Variants in KCNH7 observed in about 807,000 individuals in gnomAD.
The protein encoded by KCNH7 is voltage-gated inwardly rectifying potassium channel KCNH7.
In KCNH7, 49 loss-of-function variants were observed where a neutral mutation model predicts 120.8. The observed-to-expected ratio is 0.41, with a 90% CI of 0.32 to 0.51. The LOEUF (loss-of-function observed/expected upper bound fraction) is 0.51, where lower values mean the gene tolerates loss of function less well. Ranked by LOEUF, KCNH7 falls within the 20% of genes least tolerant of loss-of-function variation. KCNH7 has a pLI of 0.38. For missense variants in KCNH7, 1,097 were observed against 1,446.6 expected (o/e 0.76, Z 3.92); for synonymous variants, 547 against 516.1 (o/e 1.06, Z -0.81).
intron 9 of KCNH7, among the ~76,000 whole-genome samples, chr2:162,413,853 A>G (rs1441949078): frequency 6.6e-6 from 1 of 151,964 alleles, no homozygotes; most frequent in Non-Finnish European, 1.5e-5. Flanking sequence ...TTGAAAATAT[A>G]TTAGGATCAT....
chr2:162,722,813 C>CTTTTTTTTTTTCTT (rs1687368386), intron 2 of KCNH7, among the ~76,000 whole-genome samples: 1 of 85,110 alleles, frequency 1.2e-5, no homozygotes, highest in African/African-American at 6.1e-5. Flanking sequence ...TTCTTTTTTT[C>CTTTTTTTTTTTCTT]TTTTTTTTTT....
intron 2 of KCNH7, among the ~76,000 whole-genome samples, chr2:162,822,878 C>G (rs375220531): frequency 4.6e-5 from 7 of 152,172 alleles, no homozygotes; most frequent in Non-Finnish European, 8.8e-5. Context: ...GGCACAAGCC[C>G]GCACTCCTGT....
chr2:162,429,302 A>G (rs1687977632), intron 8 of KCNH7, among the ~76,000 whole-genome samples: 1 of 150,852 alleles, frequency 6.6e-6, no homozygotes, highest in Non-Finnish European at 1.5e-5. Context: ...CATATGTTAT[A>G]AAACCTGCAC....
At chr2:162,551,591 A>G (rs1157898754) in intron 2 of KCNH7, among the ~76,000 whole-genome samples, 2 of 152,176 alleles carry the variant, frequency 1.3e-5, no homozygotes, top group Non-Finnish European at 2.9e-5. Flanking sequence ...CATCACTGAG[A>G]ATATACTAAG....
chr2:162,622,448 C>G (rs889161341), intron 2 of KCNH7, among the ~76,000 whole-genome samples: 1 of 152,142 alleles, frequency 6.6e-6, no homozygotes, highest in Non-Finnish European at 1.5e-5. Flanking sequence ...CTAAATAGGT[C>G]CTTCAAGGCT....
intron 2 of KCNH7, among the ~76,000 whole-genome samples, chr2:162,607,329 G>T (rs910335321): frequency 6.6e-6 from 1 of 151,594 alleles, no homozygotes; most frequent in African/African-American, 2.4e-5. Flanking sequence ...GGTGGAAGTT[G>T]CAGTGAGCCA....
intron 6 of KCNH7, among the ~76,000 whole-genome samples, chr2:162,474,561 C>G (rs1445768933): frequency 6.6e-6 from 1 of 152,196 alleles, no homozygotes; most frequent in Non-Finnish European, 1.5e-5. Flanking sequence ...GCTGGACTTA[C>G]TGACTTGCTT....
chr2:162,802,575 A>G (rs1467101908), intron 2 of KCNH7, among the ~76,000 whole-genome samples: 2 of 151,794 alleles, frequency 1.3e-5, no homozygotes, highest in East Asian at 3.9e-4. Context: ...AATGGAATGT[A>G]TGCTGTAAGT....
At chr2:162,577,414 T>C (rs1339664561) in intron 2 of KCNH7, among the ~76,000 whole-genome samples, 2 of 150,260 alleles carry the variant, frequency 1.3e-5, no homozygotes, top group African/African-American at 4.9e-5. Flanking sequence ...TCTATCTATC[T>C]ATTCATAGGT....
chr2:162,398,262 G>A (rs754811933), intron 10 of KCNH7, among the ~76,000 whole-genome samples: 3 of 151,738 alleles, frequency 2.0e-5, no homozygotes, highest in Non-Finnish European at 4.4e-5. Flanking sequence ...CACTGTAGAA[G>A]CTATCAAAGA....
intron 2 of KCNH7, among the ~76,000 whole-genome samples, chr2:162,606,619 A>G (rs1682782299): frequency 6.6e-6 from 1 of 152,142 alleles, no homozygotes; most frequent in African/African-American, 2.4e-5. Context: ...CCACCTCGCT[A>G]TGTATCATAT....
At chr2:162,671,766 TA>T (rs969995104) in intron 2 of KCNH7, among the ~76,000 whole-genome samples, 2 of 151,828 alleles carry the variant, frequency 1.3e-5, no homozygotes, top group South Asian at 2.1e-4. Context: ...TATGCTCTAA[TA>T]AAAAAAGAAG....
intron 14 of KCNH7, among the ~76,000 whole-genome samples, chr2:162,376,368 GTTT>G (rs554245457): frequency 1.5e-5 from 2 of 135,658 alleles, no homozygotes; most frequent in Admixed American, 7.3e-5. Flanking sequence ...AGTGTGGTTT[GTTT>G]TTTTTTTTTT....
chr2:162,484,517 A>G (rs899438332), intron 6 of KCNH7, among the ~76,000 whole-genome samples: 1 of 152,128 alleles, frequency 6.6e-6, no homozygotes, highest in Admixed American at 6.5e-5. Context: ...AGAGACCGCA[A>G]TAAGTCAGGA....
intron 2 of KCNH7, among the ~76,000 whole-genome samples, chr2:162,647,708 A>G (rs1474374193): frequency 6.6e-6 from 1 of 152,090 alleles, no homozygotes; most frequent in Non-Finnish European, 1.5e-5. Flanking sequence ...ACCATGATTG[A>G]GAGGCCTCCC....
chr2:162,397,349 C>T (rs1339472588), intron 10 of KCNH7, among the ~76,000 whole-genome samples: 1 of 151,710 alleles, frequency 6.6e-6, no homozygotes, highest in South Asian at 2.1e-4. Context: ...TCGGGATGGT[C>T]TCTGCAGGTG....
chr2:162,834,415 A>C (rs1685581627), intron 2 of KCNH7, among the ~76,000 whole-genome samples: 1 of 152,062 alleles, frequency 6.6e-6, no homozygotes, highest in Non-Finnish European at 1.5e-5. Flanking sequence ...AAATAGGTAG[A>C]TTTTATAGTT....
At chr2:162,411,552 C>T (rs1215031001) in intron 9 of KCNH7, among the ~76,000 whole-genome samples, 3 of 151,830 alleles carry the variant, frequency 2.0e-5, no homozygotes, top group African/African-American at 7.3e-5. Flanking sequence ...GCCTCAGTGA[C>T]ACACAATTTA....
chr2:162,444,411 C>T (rs997863520), intron 7 of KCNH7, among the ~76,000 whole-genome samples: 1 of 152,094 alleles, frequency 6.6e-6, no homozygotes, highest in Non-Finnish European at 1.5e-5. Context: ...TTTCAACAGT[C>T]TCATTCTGTA....
Sources: gnomAD v4.1 joint callset for allele counts (sites outside exome capture counted in the v4.1 genomes callset) on GRCh38, gnomAD v4.1.1 for gene constraint, MANE v1.5 for transcripts, NCBI Gene and HGNC (gene_info 2026-07-23, HGNC 2026-07-21) for gene names.